SPRR2B: variants seen among roughly 807,000 people sequenced by gnomAD.
SPRR2B encodes small proline rich protein 2B, also known as small proline-rich protein 2B.
Under a neutral mutation model 1.0 loss-of-function variants are expected in SPRR2B, and 1 was observed. That is an observed-to-expected ratio of 1.01 (90% CI 0.36 to 4.77). The LOEUF is 4.77. Ranked by LOEUF, SPRR2B falls within the 30% of genes most tolerant of loss-of-function variation. The pLI is 0.16. For missense variants in SPRR2B, 53 were observed against 88.7 expected (o/e 0.60, Z 1.62); for synonymous variants, 27 against 33.4 (o/e 0.81, Z 0.66).
the SPRR2B span, among the ~76,000 whole-genome samples, chr1:153,079,714 A>C: frequency 1.3e-5 from 2 of 151,938 alleles, no homozygotes; most frequent in Non-Finnish European, 2.9e-5. Context: ...GTTCTGTTCC[A>C]TTGGTCTATA....
chr1:153,079,479 A>C, the SPRR2B span, among the ~76,000 whole-genome samples: 1 of 152,214 alleles, frequency 6.6e-6, no homozygotes, highest in South Asian at 2.1e-4. Flanking sequence ...GTTTTCTACT[A>C]GAGTTTTTAT....
chr1:153,087,602 GAAT>G, the SPRR2B span, among the ~76,000 whole-genome samples: 1 of 152,044 alleles, frequency 6.6e-6, no homozygotes, highest in East Asian at 1.9e-4. Context: ...AAACATCAGA[GAAT>G]ATTACAAACA....
the SPRR2B span, among the ~76,000 whole-genome samples, chr1:153,077,221 A>G: frequency 6.6e-6 from 1 of 152,208 alleles, no homozygotes; most frequent in Non-Finnish European, 1.5e-5. Context: ...AAAAGAACAC[A>G]CTTTCAACCT....
the SPRR2B span, among the ~76,000 whole-genome samples, chr1:153,087,643 A>G: frequency 1.3e-5 from 2 of 152,154 alleles, no homozygotes; most frequent in African/African-American, 4.8e-5. Flanking sequence ...TAGAAAATAT[A>G]GAAAAAACAA....
At chr1:153,071,920 G>A (rs535143656), upstream of SPRR2B, among the ~76,000 whole-genome samples, 17 of 152,074 alleles carry the variant, frequency 1.1e-4, no homozygotes, top group African/African-American at 2.2e-4. Flanking sequence ...TTCCTGCCCC[G>A]ATCCACTTTA....
chr1:153,080,712 A>G, the SPRR2B span, among the ~76,000 whole-genome samples: 1 of 152,000 alleles, frequency 6.6e-6, no homozygotes, highest in Non-Finnish European at 1.5e-5. Flanking sequence ...AAACACTATA[A>G]AAAAATACAA....
chr1:153,075,426 A>C (rs1477715921), upstream of SPRR2B, among the ~76,000 whole-genome samples: 1 of 152,204 alleles, frequency 6.6e-6, no homozygotes, highest in Non-Finnish European at 1.5e-5. Flanking sequence ...AGAGTAAAAA[A>C]AATCAGGAAT....
At position 153,070,663 on chromosome 1, in the gene SPRR2B, A is replaced by C; in HGVS notation, c.177T>G (p.Pro59=). 1.2e-6 allele frequency: 2 copies of C among 1,612,116 alleles called. No homozygotes were observed. Among genetic ancestry groups the C allele is most frequent in the South Asian group, 2.2e-5 (2 of 90,964 alleles). ...QCQQKYPPVT[P]SPPCQPKYPP... is the part of the protein sequence containing the mutation. Reference sequence around the variant, plus strand: ...GATACTTTGGCTGGCAGGGTGGGGAAGGTGTCACAGGAGGATATTTCTGCT... The same window carrying C: ...GATACTTTGGCTGGCAGGGTGGGGACGGTGTCACAGGAGGATATTTCTGCT... The change falls in exon 2 of 2, where the codon CCT becomes CCG. Residue 59 remains proline, a synonymous_variant. Coordinates refer to ENST00000368755, the MANE Select transcript of SPRR2B (RefSeq NM_001388198.1).
chr1:153,081,537 G>A, the SPRR2B span, among the ~76,000 whole-genome samples: 2 of 152,270 alleles, frequency 1.3e-5, no homozygotes. Context: ...TTCTGTATGA[G>A]AAACAACAAA....
At chr1:153,080,195 GAA>G in the SPRR2B span, among the ~76,000 whole-genome samples, 2,649 of 152,168 alleles carry the variant, frequency 0.017, 83 homozygotes, top group African/African-American at 0.059. Flanking sequence ...TACAGTGAGA[GAA>G]ATTAAAAGAA....
At chr1:153,085,069 G>A in the SPRR2B span, among the ~76,000 whole-genome samples, 4 of 152,190 alleles carry the variant, frequency 2.6e-5, no homozygotes, top group East Asian at 3.8e-4. Flanking sequence ...AGCACATGAA[G>A]ATAAGAAAGA....
chr1:153,085,864 T>C, the SPRR2B span, among the ~76,000 whole-genome samples: 1 of 152,172 alleles, frequency 6.6e-6, no homozygotes, highest in Non-Finnish European at 1.5e-5. Flanking sequence ...AAGAAGAGAT[T>C]GGGAGCCAAT....
the SPRR2B span, among the ~76,000 whole-genome samples, chr1:153,081,786 A>T: frequency 4.0e-5 from 6 of 151,570 alleles, no homozygotes; most frequent in Non-Finnish European, 8.8e-5. Context: ...TAAAAACAGG[A>T]TAAGGTTGTA....
the SPRR2B span, among the ~76,000 whole-genome samples, chr1:153,081,999 G>A: frequency 3.3e-3 from 498 of 152,098 alleles, 3 homozygotes; most frequent in Non-Finnish European, 4.6e-3. Context: ...ATTTTTAGTA[G>A]AGACAGTGCA....
At chr1:153,072,934 A>G (rs539720013), upstream of SPRR2B, among the ~76,000 whole-genome samples, 1 of 152,194 alleles carries the variant, frequency 6.6e-6, no homozygotes, top group Non-Finnish European at 1.5e-5. Context: ...GCCAATAATC[A>G]AGAACCTTTC....
chr1:153,072,103 T>C (rs553094412), upstream of SPRR2B, among the ~76,000 whole-genome samples: 1 of 152,312 alleles, frequency 6.6e-6, no homozygotes, highest in East Asian at 1.9e-4. Flanking sequence ...AGAAGCATCA[T>C]ATCTACCTCT....
upstream of SPRR2B, among the ~76,000 whole-genome samples, chr1:153,072,855 A>G (rs1214144446): frequency 6.6e-6 from 1 of 152,218 alleles, no homozygotes; most frequent in African/African-American, 2.4e-5. Context: ...TCTTCCTGCA[A>G]TCAATGGGGC....
At chr1:153,077,609 C>CT in the SPRR2B span, among the ~76,000 whole-genome samples, 30 of 149,976 alleles carry the variant, frequency 2.0e-4, no homozygotes, top group East Asian at 2.1e-3. Flanking sequence ...GTCAAATTTT[C>CT]TTTTTTTTTC....
chr1:153,080,319 C>T, the SPRR2B span, among the ~76,000 whole-genome samples: 34 of 152,052 alleles, frequency 2.2e-4, no homozygotes, highest in South Asian at 3.9e-3. Context: ...CCAATTGGAC[C>T]AAATAGACAA....
Sources: gnomAD v4.1 joint callset for allele counts (sites outside exome capture counted in the v4.1 genomes callset) on GRCh38, gnomAD v4.1.1 for gene constraint, MANE v1.5 for transcripts, NCBI Gene and HGNC (gene_info 2026-07-23, HGNC 2026-07-21) for gene names.